The following UBE2G1 variants were observed in gnomAD, a reference collection of about 807,000 sequenced individuals.
The protein encoded by UBE2G1 is ubiquitin-conjugating enzyme E2 G1.
A neutral mutation model predicts 22.7 loss-of-function variants in UBE2G1; 5 were observed. That is an observed-to-expected ratio of 0.22 (90% CI 0.12 to 0.46). The LOEUF (loss-of-function observed/expected upper bound fraction) is 0.46. UBE2G1 is among the 20% of genes least tolerant of loss of function. UBE2G1 has a pLI of 0.99. For missense variants in UBE2G1, 88 were observed against 203.9 expected, an observed-to-expected ratio of 0.43 and a Z score of 3.46; for synonymous variants, 74 against 67.5, an observed-to-expected ratio of 1.10 and a Z score of -0.47.
chr17:4,282,994 T>G, intron 4 of UBE2G1, 73 bp from the exon 5 acceptor site: 4 of 1,241,632 alleles, frequency 3.2e-6, no homozygotes, highest in Non-Finnish European at 4.6e-6. Context: ...TTTATTTTAA[T>G]TTTGAATGTA....
chr17:4,355,896 C>T (rs1036791170), intron 1 of UBE2G1, among the ~76,000 whole-genome samples: 10 of 148,194 alleles, frequency 6.7e-5, no homozygotes, highest in Non-Finnish European at 1.5e-4. Context: ...GATGGGGTTT[C>T]TCCATGTTGG....
chr17:4,332,407 T>C (rs1319014631), intron 1 of UBE2G1, among the ~76,000 whole-genome samples: 1 of 152,192 alleles, frequency 6.6e-6, no homozygotes, highest in Admixed American at 6.6e-5. Flanking sequence ...AAAATGCATG[T>C]GCTGGGGTAC....
intron 3 of UBE2G1, 58 bp downstream of exon 3, chr17:4,296,659 C>T: frequency 1.4e-6 from 2 of 1,475,952 alleles, no homozygotes; most frequent in Non-Finnish European, 1.9e-6. Context: ...TGACCTTGAA[C>T]ACTTCAATAA....
intron 1 of UBE2G1, among the ~76,000 whole-genome samples, chr17:4,361,959 C>CAAAAAAAAAAAAAAAA (rs35792021): frequency 1.4e-5 from 1 of 69,096 alleles, no homozygotes; most frequent in Non-Finnish European, 2.9e-5. Flanking sequence ...AAGACTGTCT[C>CAAAAAAAAAAAAAAAA]AAAAAAAAAA....
intron 5 of UBE2G1, among the ~76,000 whole-genome samples, chr17:4,275,019 C>T (rs1475484117): frequency 6.7e-6 from 1 of 149,630 alleles, no homozygotes. Flanking sequence ...AAGAGTGAGA[C>T]CTTGTCTCAA....
chr17:4,312,336 A>G (rs972083760), intron 1 of UBE2G1, among the ~76,000 whole-genome samples: 1 of 152,198 alleles, frequency 6.6e-6, no homozygotes, highest in African/African-American at 2.4e-5. Flanking sequence ...ACCCAAGGAT[A>G]AGCATTAATA....
chr17:4,343,428 C>A (rs1969732980), intron 1 of UBE2G1, among the ~76,000 whole-genome samples: 1 of 151,956 alleles, frequency 6.6e-6, no homozygotes, highest in Admixed American at 6.6e-5. Flanking sequence ...TGCTTTAACC[C>A]AGGAGGCGGA....
chr17:4,276,768 G>A (rs774598158), intron 5 of UBE2G1, among the ~76,000 whole-genome samples: 1 of 152,164 alleles, frequency 6.6e-6, no homozygotes, highest in Non-Finnish European at 1.5e-5. Flanking sequence ...GGTTTGTCAG[G>A]AGGTGCTCTC....
At chr17:4,334,687 C>A (rs1413293671) in intron 1 of UBE2G1, among the ~76,000 whole-genome samples, 1 of 152,046 alleles carries the variant, frequency 6.6e-6, no homozygotes, top group African/African-American at 2.4e-5. Context: ...TTACAGGCGC[C>A]CACCAACACG....
intron 3 of UBE2G1, among the ~76,000 whole-genome samples, chr17:4,290,606 G>C (rs1969021856): frequency 6.6e-6 from 1 of 151,060 alleles, no homozygotes; most frequent in Non-Finnish European, 1.5e-5. Flanking sequence ...CAAGTAGCTG[G>C]GACCATGGGC....
intron 1 of UBE2G1, among the ~76,000 whole-genome samples, chr17:4,330,950 ATAAT>A (rs1420445320): frequency 1.4e-5 from 2 of 146,680 alleles, no homozygotes; most frequent in Non-Finnish European, 3.0e-5. Flanking sequence ...TAAAAGGCAA[ATAAT>A]TACTCTTATA....
intron 1 of UBE2G1, among the ~76,000 whole-genome samples, chr17:4,310,740 T>C (rs1235379353): frequency 4.6e-5 from 7 of 152,152 alleles, no homozygotes; most frequent in Admixed American, 4.6e-4. Context: ...ATGTAGAAGA[T>C]TGTTTAAAAA....
At chr17:4,332,723 C>T (rs1473415235) in intron 1 of UBE2G1, among the ~76,000 whole-genome samples, 1 of 152,114 alleles carries the variant, frequency 6.6e-6, no homozygotes, top group Non-Finnish European at 1.5e-5. Flanking sequence ...CTTCAGCTAA[C>T]CGCTCTGCCA....
intron 1 of UBE2G1, chr17:4,364,524 G>C (rs991030645): frequency 1.3e-4 from 19 of 150,770 alleles, no homozygotes; most frequent in African/African-American, 4.4e-4. Context: ...TCCTGACCTC[G>C]TGATCCGCCC....
intron 1 of UBE2G1, among the ~76,000 whole-genome samples, chr17:4,309,128 C>T (rs188072782): frequency 9.2e-5 from 14 of 152,178 alleles, no homozygotes; most frequent in Admixed American, 5.2e-4. Context: ...GGCATGGAGG[C>T]GGACATCTGT....
chr17:4,326,052 A>C (rs542035565), intron 1 of UBE2G1, among the ~76,000 whole-genome samples: 1 of 152,186 alleles, frequency 6.6e-6, no homozygotes, highest in African/African-American at 2.4e-5. Flanking sequence ...AAGACATTGG[A>C]TTTAGCAACA....
intron 1 of UBE2G1, among the ~76,000 whole-genome samples, chr17:4,336,983 C>T (rs1969655471): frequency 6.6e-6 from 1 of 152,066 alleles, no homozygotes; most frequent in South Asian, 2.1e-4. Flanking sequence ...ATAGTCTATA[C>T]AATCTGACAA....
rs1482671351 is a variant in UBE2G1 at position 4,294,632 on chromosome 17, C to T, written c.247+2085G>A. The stretch of plus-strand genomic sequence containing the variant: ...AATTTTCACAGATAGAAAACATAGG[C>T]CTGGCGTGGTAGCTAATGCCTGTAA... On this transcript the variant is annotated intron_variant, in intron 3 of 5. Transcript: ENST00000396981. 2.0e-5 allele frequency among the ~76,000 whole-genome samples: 3 copies of T among 152,052 alleles called. No individual in the cohort carries two copies. The East Asian group carries it at 5.8e-4, about 29-fold the overall frequency.
chr17:4,361,105 C>G lies in UBE2G1; in HGVS notation c.46+5166G>C, dbSNP rs187814085. On this transcript the variant is annotated intron_variant, in intron 1 of 5. Coordinates refer to ENST00000396981, the MANE Select transcript of UBE2G1 (RefSeq NM_003342.5). ...GGGCGTGGTGGTGGACACCTGTAAT[C>G]TCAGCTACTTGGGAGGCTAAAGCAG... is the stretch of plus-strand genomic sequence containing the variant. Among the ~76,000 whole-genome samples the G allele has an allele frequency of 2.0e-4, 31 of 152,066 alleles. No individual in the cohort carries two copies. In the East Asian group the frequency reaches 5.4e-3, roughly 27 times the overall value.
Sources: gnomAD v4.1 joint callset for allele counts (sites outside exome capture counted in the v4.1 genomes callset) on GRCh38, gnomAD v4.1.1 for gene constraint, MANE v1.5 for transcripts, NCBI Gene and HGNC (gene_info 2026-07-23, HGNC 2026-07-21) for gene names.